ATG7: variants seen among roughly 807,000 people sequenced by gnomAD.
The protein encoded by ATG7 is autophagy related 7.
Under a neutral mutation model 82.4 loss-of-function variants are expected in ATG7, and 70 were observed. The ratio of observed to expected loss-of-function variants is 0.85; its 90% CI spans 0.70 to 1.04. The LOEUF (loss-of-function observed/expected upper bound fraction) is 1.04, where lower values mean the gene tolerates loss of function less well. Among genes scored for constraint, ATG7 ranks in the 50% least tolerant of loss-of-function variants. ATG7 has a pLI of 0.00. For missense variants in ATG7, 792 were observed against 864.3 expected (o/e 0.92, Z 1.05); for synonymous variants, 287 against 313.0 (o/e 0.92, Z 0.88).
At chr3:11,572,968 G>A in the ATG7 span, among the ~76,000 whole-genome samples, 1 of 151,990 alleles carries the variant, frequency 6.6e-6, no homozygotes, top group Non-Finnish European at 1.5e-5. Flanking sequence ...AGGAGTTTGA[G>A]ACCGGCCTGA....
chr3:11,533,918 A>T (rs944262502), intron 20 of ATG7, among the ~76,000 whole-genome samples: 1 of 152,232 alleles, frequency 6.6e-6, no homozygotes, highest in Non-Finnish European at 1.5e-5. Context: ...AAGCACTTTC[A>T]AGTGATGGCT....
At chr3:11,518,610 T>C (rs2092350634) in intron 20 of ATG7, among the ~76,000 whole-genome samples, 1 of 151,884 alleles carries the variant, frequency 6.6e-6, no homozygotes, top group Admixed American at 6.6e-5. Context: ...TCTTTGTTAC[T>C]CTGTTTCTTT....
At chr3:11,326,294 T>TG (rs1553614005) in intron 9 of ATG7, among the ~76,000 whole-genome samples, 179 of 151,536 alleles carry the variant, frequency 1.2e-3, no homozygotes, top group Admixed American at 2.3e-3. Flanking sequence ...CTGTTTTTTT[T>TG]TTGTTGTTGT....
At chr3:11,297,135 A>T (rs970373556) in intron 3 of ATG7, among the ~76,000 whole-genome samples, 26 of 152,294 alleles carry the variant, frequency 1.7e-4, no homozygotes, top group African/African-American at 6.0e-4. Flanking sequence ...GGGTGGAAGG[A>T]TCACAAATCC....
chr3:11,469,603 T>C (rs1176411793), intron 20 of ATG7, among the ~76,000 whole-genome samples: 2 of 152,172 alleles, frequency 1.3e-5, no homozygotes, highest in Non-Finnish European at 2.9e-5. Flanking sequence ...GGATGGGAGC[T>C]GCATGTCCCA....
At chr3:11,515,317 T>TGTAA (rs1184993018) in intron 20 of ATG7, among the ~76,000 whole-genome samples, 2 of 152,082 alleles carry the variant, frequency 1.3e-5, no homozygotes. Flanking sequence ...TATGTATGTA[T>TGTAA]TTTTGAGACA....
chr3:11,363,199 A>G, intron 17 of ATG7: 1 of 350,272 alleles, frequency 2.9e-6, no homozygotes, highest in East Asian at 6.6e-5. Context: ...ACTTTGTGCT[A>G]GGCACTGTTC....
chr3:11,569,073 G>GTTTACTTTTCCCCAGAT, the ATG7 span: 1 of 407,584 alleles, frequency 2.5e-6, no homozygotes, highest in Non-Finnish European at 3.4e-6. Context: ...ATAACATCTG[G>GTTTACTTTTCCCCAGAT]GGAAAAGTAA....
At chr3:11,496,269 C>A (rs2090826398) in intron 20 of ATG7, among the ~76,000 whole-genome samples, 1 of 152,232 alleles carries the variant, frequency 6.6e-6, no homozygotes, top group African/African-American at 2.4e-5. Flanking sequence ...TCTCCTCACA[C>A]CGGTGCTTTT....
intron 20 of ATG7, among the ~76,000 whole-genome samples, chr3:11,530,600 G>A (rs1355885688): frequency 6.6e-6 from 1 of 152,122 alleles, no homozygotes; most frequent in African/African-American, 2.4e-5. Context: ...ACCAACCGCT[G>A]TTGCCCTCCT....
intron 20 of ATG7, among the ~76,000 whole-genome samples, chr3:11,506,583 AACCC>A (rs1228317413): frequency 6.7e-4 from 8 of 11,858 alleles, no homozygotes; most frequent in African/African-American, 1.5e-3. Flanking sequence ...AAAAAAAAAA[AACCC>A]AAAAATTAGC....
Position 11,390,093 on chromosome 3 carries a change from C to T in ATG7, c.1956+10041C>T, listed in dbSNP as rs200539119. 5.9e-5 allele frequency among the ~76,000 whole-genome samples: 9 copies of T among 152,300 alleles called. No homozygotes were observed. The East Asian group carries it at 9.7e-4, about 16-fold the overall frequency. ...CTCATTGTTGTGTTGAAACCTCCTA[C>T]GTATCCCAAATGTGGAATGTGAGCT... On this transcript the variant is annotated intron_variant, in intron 19 of 20. Coordinates refer to ENST00000693202, the MANE Select transcript of ATG7 (RefSeq NM_001349232.2).
intron 9 of ATG7, among the ~76,000 whole-genome samples, chr3:11,329,354 G>C (rs1401383213): frequency 6.6e-6 from 1 of 152,088 alleles, no homozygotes; most frequent in Non-Finnish European, 1.5e-5. Flanking sequence ...CATCCTTACA[G>C]AACTAACTGG....
chr3:11,334,150 C>A (rs1952047841), intron 11 of ATG7, among the ~76,000 whole-genome samples: 1 of 152,170 alleles, frequency 6.6e-6, no homozygotes, highest in Non-Finnish European at 1.5e-5. Context: ...TGTAAATTTC[C>A]TAGCTCACAT....
At position 11,486,551 on chromosome 3, in the gene ATG7, C is replaced by G. The variant is rs1212476300; in HGVS notation, c.2079+59625C>G. Reference sequence around the variant, plus strand: ...TATTTCCTTCTCCTGCCTAATTACCCTGGCCAGAACTTCCAACACTATGTT... The same window carrying G: ...TATTTCCTTCTCCTGCCTAATTACCGTGGCCAGAACTTCCAACACTATGTT... On this transcript the variant is annotated intron_variant, in intron 20 of 20. Coordinates refer to ENST00000693202, the MANE Select transcript of ATG7 (RefSeq NM_001349232.2). Among the ~76,000 whole-genome samples the G allele has an allele frequency of 1.2e-4, 18 of 150,716 alleles. 1 individual carries two copies. The East Asian group carries it at 3.5e-3, about 30-fold the overall frequency.
chr3:11,471,045 C>T (rs2087448013), intron 20 of ATG7, among the ~76,000 whole-genome samples: 1 of 152,156 alleles, frequency 6.6e-6, no homozygotes, highest in Non-Finnish European at 1.5e-5. Flanking sequence ...AGCCATTTCT[C>T]ATTGACTAGA....
At chr3:11,484,906 G>C (rs912002832) in intron 20 of ATG7, among the ~76,000 whole-genome samples, 1 of 152,122 alleles carries the variant, frequency 6.6e-6, no homozygotes, top group African/African-American at 2.4e-5. Context: ...GTATTCCATG[G>C]TGTATATGTG....
intron 20 of ATG7, among the ~76,000 whole-genome samples, chr3:11,537,438 A>G (rs2070414492): frequency 6.6e-6 from 1 of 152,182 alleles, no homozygotes; most frequent in Non-Finnish European, 1.5e-5. Context: ...ATGGCTGATC[A>G]GCGAGAGCCA....
intron 19 of ATG7, among the ~76,000 whole-genome samples, chr3:11,383,867 A>G (rs2078111632): frequency 6.6e-6 from 1 of 152,124 alleles, no homozygotes; most frequent in Non-Finnish European, 1.5e-5. Context: ...CTATTTGTGC[A>G]TAGTTCTTTT....
Sources: gnomAD v4.1 joint callset for allele counts (sites outside exome capture counted in the v4.1 genomes callset) on GRCh38, gnomAD v4.1.1 for gene constraint, MANE v1.5 for transcripts, NCBI Gene and HGNC (gene_info 2026-07-23, HGNC 2026-07-21) for gene names.